NRXN1: variants seen among roughly 807,000 people sequenced by gnomAD.
NRXN1 encodes neurexin 1.
A neutral mutation model predicts 150.9 loss-of-function variants in NRXN1; 39 were observed. The ratio of observed to expected loss-of-function variants is 0.26; its 90% CI spans 0.20 to 0.34. The LOEUF (loss-of-function observed/expected upper bound fraction) is 0.34, where lower values mean the gene tolerates loss of function less well. Among genes scored for constraint, NRXN1 ranks in the 10% least tolerant of loss-of-function variants. The probability of loss-of-function intolerance (pLI) is 1.00; values close to 1 mark genes in which losing one functional copy is unlikely to be tolerated. For missense variants in NRXN1, 1,815 were observed against 1,949.9 expected (o/e 0.93, Z 1.30); for synonymous variants, 924 against 757.0 (o/e 1.22, Z -3.62).
At chr2:50,509,151 C>T (rs2092357190) in intron 12 of NRXN1, among the ~76,000 whole-genome samples, 1 of 152,162 alleles carries the variant, frequency 6.6e-6, no homozygotes, top group South Asian at 2.1e-4. Context: ...AGTGGTAGAA[C>T]CAAGTTTCAT....
chr2:50,894,130 C>T (rs989840233), intron 5 of NRXN1, among the ~76,000 whole-genome samples: 2 of 151,790 alleles, frequency 1.3e-5, no homozygotes, highest in Non-Finnish European at 2.9e-5. Context: ...GGGAGATATA[C>T]CTAATGCTAG....
In NRXN1 at chr2:50,130,631, C is replaced by T. The variant is rs998557730; in HGVS notation, c.3547-39137G>A. 5.3e-5 allele frequency among the ~76,000 whole-genome samples: 8 copies of T among 152,308 alleles called. No individual in the cohort carries two copies. In the South Asian group the frequency reaches 8.3e-4, roughly 16 times the overall value. ...AAACATGCAAACAAACAAACAACAT[C>T]CCAAGTATCCAAAACCAAAACAAAG... On this transcript the variant is annotated intron_variant, in intron 18 of 22. Coordinates refer to ENST00000401669, the MANE Select transcript of NRXN1 (RefSeq NM_001330078.2).
At chr2:50,418,744 A>G (rs1478611133) in intron 17 of NRXN1, among the ~76,000 whole-genome samples, 2 of 152,056 alleles carry the variant, frequency 1.3e-5, no homozygotes, top group Non-Finnish European at 2.9e-5. Context: ...GCTGTAGCAG[A>G]GGAATCAGTC....
chr2:50,098,687 T>C (rs1178135493), intron 18 of NRXN1, among the ~76,000 whole-genome samples: 1 of 152,154 alleles, frequency 6.6e-6, no homozygotes, highest in Non-Finnish European at 1.5e-5. Flanking sequence ...TACTGAAATA[T>C]GACCAATTTG....
rs1017563126 is a variant in NRXN1, at chr2:51,028,102, G to A, written c.172C>T (p.Leu58Phe). 1 of 1,580,804 alleles carries A rather than the reference G, an allele frequency of 6.3e-7. No homozygotes were observed. Among genetic ancestry groups the A allele is most frequent in the African/African-American group, 1.3e-5 (1 of 74,490 alleles). Residue 58 changes from leucine (L) to phenylalanine (F), a missense_variant, in exon 2 of 23, where the codon CTC (leucine) becomes TTC (phenylalanine). Leu to Phe is a conservative substitution (Grantham distance 22, BLOSUM62 0). Transcript: ENST00000401669. ...AGGCCGCGGGCGCTGCGAGTCTTGAGCTGGAAGCTCATCTCGCTCTCGCAG... is the reference window on the plus strand; with the variant it reads ...AGGCCGCGGGCGCTGCGAGTCTTGAACTGGAAGCTCATCTCGCTCTCGCAG... ...ACCESEMSFQ[L>F]KTRSARGLVL...
At chr2:50,846,172 G>A (rs1360708820) in intron 5 of NRXN1, among the ~76,000 whole-genome samples, 4 of 151,962 alleles carry the variant, frequency 2.6e-5, no homozygotes, top group Non-Finnish European at 5.9e-5. Flanking sequence ...TCTGAACCAC[G>A]GGTGACCTTC....
chr2:50,924,950 A>C (rs1193418226), intron 3 of NRXN1, among the ~76,000 whole-genome samples: 1 of 151,754 alleles, frequency 6.6e-6, no homozygotes, highest in African/African-American at 2.4e-5. Context: ...GAAATCCTTC[A>C]TTCTATGGAA....
At chr2:50,819,168 T>C (rs1669354458) in intron 5 of NRXN1, among the ~76,000 whole-genome samples, 1 of 152,156 alleles carries the variant, frequency 6.6e-6, no homozygotes, top group Non-Finnish European at 1.5e-5. Flanking sequence ...GTATTTACCA[T>C]GTGATTTCTG....
intron 17 of NRXN1, among the ~76,000 whole-genome samples, chr2:50,325,438 G>T (rs1370865090): frequency 6.6e-6 from 1 of 152,182 alleles, no homozygotes; most frequent in Non-Finnish European, 1.5e-5. Flanking sequence ...GGGGGATGGG[G>T]ACTAAAATTT....
intron 2 of NRXN1, among the ~76,000 whole-genome samples, chr2:51,001,896 G>A (rs1700125134): frequency 6.6e-6 from 1 of 151,924 alleles, no homozygotes; most frequent in Non-Finnish European, 1.5e-5. Flanking sequence ...CCTGAAGCAG[G>A]TCATAAGATA....
At chr2:50,779,019 T>C (rs1210408427) in intron 5 of NRXN1, among the ~76,000 whole-genome samples, 4 of 152,124 alleles carry the variant, frequency 2.6e-5, no homozygotes, top group Non-Finnish European at 4.4e-5. Context: ...ACATCTACAT[T>C]TTTTTTCTTC....
intron 5 of NRXN1, among the ~76,000 whole-genome samples, chr2:50,893,575 T>A (rs887409067): frequency 6.6e-6 from 1 of 152,168 alleles, no homozygotes; most frequent in African/African-American, 2.4e-5. Flanking sequence ...GTCATATAAC[T>A]CAAGTGTCGG....
chr2:49,942,900 A>G (rs1434290616), intron 22 of NRXN1, among the ~76,000 whole-genome samples: 2 of 152,154 alleles, frequency 1.3e-5, no homozygotes, highest in African/African-American at 4.8e-5. Flanking sequence ...GTGAGCCACT[A>G]TGACCAGCAA....
intron 17 of NRXN1, among the ~76,000 whole-genome samples, chr2:50,369,951 T>A (rs2079893085): frequency 6.6e-6 from 1 of 151,988 alleles, no homozygotes; most frequent in South Asian, 2.1e-4. Context: ...AAGGAAAATA[T>A]AAAATGAATA....
At chr2:50,703,746 G>C (rs1456344230) in intron 5 of NRXN1, among the ~76,000 whole-genome samples, 2 of 152,110 alleles carry the variant, frequency 1.3e-5, no homozygotes, top group Non-Finnish European at 1.5e-5. Flanking sequence ...GTTAGAATTT[G>C]AGCTAAGAAT....
At chr2:50,483,811 T>A (rs2090661636) in intron 15 of NRXN1, among the ~76,000 whole-genome samples, 1 of 152,202 alleles carries the variant, frequency 6.6e-6, no homozygotes, top group Admixed American at 6.5e-5. Flanking sequence ...ATGACTGTTC[T>A]GGAAATTAAA....
At chr2:50,452,926 T>G (rs568655618) in intron 17 of NRXN1, among the ~76,000 whole-genome samples, 2 of 152,342 alleles carry the variant, frequency 1.3e-5, no homozygotes, top group African/African-American at 2.4e-5. Context: ...TTGAATAGCA[T>G]GAATAATGAG....
At chr2:50,330,020 A>G (rs1001746651) in intron 17 of NRXN1, among the ~76,000 whole-genome samples, 10 of 152,044 alleles carry the variant, frequency 6.6e-5, no homozygotes, top group African/African-American at 2.2e-4. Context: ...TCCAATATCA[A>G]AAAGATTGGT....
intron 17 of NRXN1, among the ~76,000 whole-genome samples, chr2:50,374,097 C>T (rs905408210): frequency 9.6e-6 from 1 of 104,706 alleles, no homozygotes; most frequent in African/African-American, 4.4e-5. Context: ...TCAGGACTAG[C>T]CTGGGCAATA....
Sources: gnomAD v4.1 joint callset for allele counts (sites outside exome capture counted in the v4.1 genomes callset) on GRCh38, gnomAD v4.1.1 for gene constraint, MANE v1.5 for transcripts, NCBI Gene and HGNC (gene_info 2026-07-23, HGNC 2026-07-21) for gene names.